The following RBFOX1 variants were observed in gnomAD, a reference collection of about 807,000 sequenced individuals.
The protein encoded by RBFOX1 is RNA binding protein fox-1 homolog 1.
A neutral mutation model predicts 57.7 loss-of-function variants in RBFOX1; 8 were observed. The observed-to-expected ratio is 0.14, with a 90% CI of 0.08 to 0.25. The LOEUF (loss-of-function observed/expected upper bound fraction) is 0.25, where lower values mean the gene tolerates loss of function less well. RBFOX1 is among the 10% of genes least tolerant of loss of function. The pLI is 1.00. For synonymous variants in RBFOX1, 326 were observed against 222.4 expected (o/e 1.47, Z -4.15); for missense variants, 611 against 548.5 (o/e 1.11, Z -1.14).
chr16:7,357,244 A>T (rs2097233384), intron 4 of RBFOX1, among the ~76,000 whole-genome samples: 1 of 152,004 alleles, frequency 6.6e-6, no homozygotes, highest in African/African-American at 2.4e-5. Context: ...GAAAAAAAAA[A>T]AAAAATCTCT....
At chr16:5,911,741 A>C (rs1392781019) in intron 4 of RBFOX1, among the ~76,000 whole-genome samples, 2 of 152,164 alleles carry the variant, frequency 1.3e-5, no homozygotes, top group African/African-American at 4.8e-5. Flanking sequence ...GAGAGTCCAC[A>C]TTCTGGTTCA....
At chr16:6,772,794 G>A (rs1472401909) in intron 3 of RBFOX1, among the ~76,000 whole-genome samples, 1 of 148,752 alleles carries the variant, frequency 6.7e-6, no homozygotes. Flanking sequence ...GCATTTGTGT[G>A]CGTATGTGTG....
intron 1 of RBFOX1, among the ~76,000 whole-genome samples, chr16:5,246,383 T>A (rs965250607): frequency 6.6e-6 from 1 of 152,234 alleles, no homozygotes; most frequent in African/African-American, 2.4e-5. Context: ...CATGATGTGA[T>A]TGAAGTATGT....
intron 3 of RBFOX1, among the ~76,000 whole-genome samples, chr16:5,859,389 G>A (rs2151883368): frequency 6.6e-6 from 1 of 152,268 alleles, no homozygotes; most frequent in Non-Finnish European, 1.5e-5. Context: ...CGTTCCCATT[G>A]AATATACATA....
chr16:6,372,787 G>T (rs1435309064), intron 2 of RBFOX1, among the ~76,000 whole-genome samples: 1 of 151,906 alleles, frequency 6.6e-6, no homozygotes. Flanking sequence ...GAGTATTGTT[G>T]GGTGGAATGG....
intron 5 of RBFOX1, among the ~76,000 whole-genome samples, chr16:7,527,520 A>C (rs1050333474): frequency 5.3e-5 from 8 of 152,128 alleles, no homozygotes; most frequent in African/African-American, 1.7e-4. Flanking sequence ...TTGTTATGAC[A>C]GGTGAAAAAA....
In RBFOX1 at chr16:6,067,580, T is replaced by C. The variant is rs370331634; in HGVS notation, c.-127+47588T>C. Among the ~76,000 whole-genome samples, 148 of 152,246 alleles carry C rather than the reference T, an allele frequency of 9.7e-4. 1 individual carries two copies. The highest frequency in any genetic ancestry group is 5.0e-4 in the Non-Finnish European group (34 of 68,012). ...GATGAAATATGTTGGGAGAGAGAGA[T>C]TTTTTGTTTCATCAGAGAGAAGTTT... On this transcript the variant is annotated intron_variant, in intron 1 of 15. Coordinates refer to ENST00000550418, the MANE Select transcript of RBFOX1 (RefSeq NM_018723.4).
At chr16:6,721,757 T>C (rs2066038557) in intron 3 of RBFOX1, 1 of 152,170 alleles carries the variant, frequency 6.6e-6, no homozygotes, top group South Asian at 2.1e-4. Context: ...TAATTAATTT[T>C]TTGACCCAGG....
intron 1 of RBFOX1, among the ~76,000 whole-genome samples, chr16:5,374,053 G>A (rs2065925743): frequency 6.6e-6 from 1 of 152,170 alleles, no homozygotes; most frequent in South Asian, 2.1e-4. Flanking sequence ...GAGTAGCTGC[G>A]ATTACAGGCA....
At position 7,080,011 on chromosome 16, in the gene RBFOX1, T is replaced by C. The variant is rs149810567; in HGVS notation, c.27+27913T>C. On this transcript the variant is annotated intron_variant, in intron 4 of 15. Transcript: ENST00000550418. Reference sequence around the variant, plus strand: ...ATTAAATTCATTGTGTATATATATATACATATATATACGTATATATGTATA... The same window carrying C: ...ATTAAATTCATTGTGTATATATATACACATATATATACGTATATATGTATA... 6.3e-3 allele frequency among the ~76,000 whole-genome samples: 909 copies of C among 144,300 alleles called. 5 individuals are homozygous for C. Among genetic ancestry groups the C allele is most frequent in the African/African-American group, 0.021 (843 of 39,566 alleles). The allele number at this position is 144,300 out of a possible 152,430, so 94.7% of individuals were successfully genotyped here. A position where few individuals can be genotyped will look rare whatever the true frequency, so the allele number is the denominator to read the frequency against.
At chr16:6,005,909 G>A (rs1357302391) in intron 4 of RBFOX1, among the ~76,000 whole-genome samples, 1 of 152,212 alleles carries the variant, frequency 6.6e-6, no homozygotes, top group African/African-American at 2.4e-5. Flanking sequence ...TGGGATGACA[G>A]AAGAGACTAT....
intron 3 of RBFOX1, among the ~76,000 whole-genome samples, chr16:6,829,687 C>T (rs377238151): frequency 1.1e-4 from 17 of 152,060 alleles, no homozygotes; most frequent in Non-Finnish European, 1.8e-4. Context: ...CTACAACCTC[C>T]GTCTCCTGGG....
intron 3 of RBFOX1, among the ~76,000 whole-genome samples, chr16:6,935,038 A>G (rs1321472642): frequency 6.6e-6 from 1 of 151,924 alleles, no homozygotes. Context: ...TTGCAGTGAG[A>G]CAAGATCGTT....
chr16:6,091,101 A>G (rs578179983), intron 1 of RBFOX1, among the ~76,000 whole-genome samples: 1 of 152,310 alleles, frequency 6.6e-6, no homozygotes, highest in African/African-American at 2.4e-5. Flanking sequence ...TATATAATAC[A>G]TTACTGTTAA....
chr16:5,781,773 G>C (rs536187755), intron 3 of RBFOX1, among the ~76,000 whole-genome samples: 1 of 152,192 alleles, frequency 6.6e-6, no homozygotes. Flanking sequence ...TTCTGTTCTA[G>C]AGGGAGAAAA....
At chr16:7,710,112 G>T (rs766043363) in intron 15 of RBFOX1, 3 of 1,004,646 alleles carry the variant, frequency 3.0e-6, no homozygotes, top group Non-Finnish European at 3.6e-6. Context: ...ATTACATCAA[G>T]CAATTCATCT....
intron 3 of RBFOX1, among the ~76,000 whole-genome samples, chr16:6,998,557 T>C (rs775758083): frequency 1.3e-5 from 2 of 152,180 alleles, no homozygotes; most frequent in Non-Finnish European, 2.9e-5. Context: ...GCTGGTTGTA[T>C]TGAAGAACCA....
chr16:5,292,185 C>T (rs1485344529), intron 1 of RBFOX1, among the ~76,000 whole-genome samples: 2 of 152,144 alleles, frequency 1.3e-5, no homozygotes, highest in Non-Finnish European at 1.5e-5. Context: ...TAGATGTGCG[C>T]CAGTGTTACT....
At chr16:7,207,175 A>C (rs1455455062) in intron 4 of RBFOX1, among the ~76,000 whole-genome samples, 2 of 152,270 alleles carry the variant, frequency 1.3e-5, no homozygotes, top group East Asian at 1.9e-4. Context: ...ATTTTCTTTT[A>C]TAGCATCTTC....
Sources: gnomAD v4.1 joint callset for allele counts (sites outside exome capture counted in the v4.1 genomes callset) on GRCh38, gnomAD v4.1.1 for gene constraint, MANE v1.5 for transcripts, NCBI Gene and HGNC (gene_info 2026-07-23, HGNC 2026-07-21) for gene names.